Variants in GLI2 observed in about 807,000 individuals in gnomAD.
GLI2 encodes the protein transcription activator GLI2.
A neutral mutation model predicts 78.9 loss-of-function variants in GLI2; 22 were observed. The ratio of observed to expected loss-of-function variants is 0.28; its 90% CI spans 0.20 to 0.40. The LOEUF (loss-of-function observed/expected upper bound fraction) is 0.40. Among genes scored for constraint, GLI2 ranks in the 10% least tolerant of loss-of-function variants. GLI2 has a pLI of 1.00. For synonymous variants in GLI2, 974 were observed against 963.7 expected (o/e 1.01, Z -0.20); for missense variants, 2,097 against 2,213.2 (o/e 0.95, Z 1.05).
chr2:120,786,222 T>C (rs1683993455), intron 1 of GLI2, among the ~76,000 whole-genome samples: 1 of 152,192 alleles, frequency 6.6e-6, no homozygotes, highest in Admixed American at 6.5e-5. Flanking sequence ...GGGAGGCTCC[T>C]CTCCCTGTAG....
At chr2:120,972,625 C>T in intron 8 of GLI2, 1 of 518,786 alleles carries the variant, frequency 1.9e-6, no homozygotes, top group South Asian at 1.4e-5. Context: ...AGAGGTGGCG[C>T]TATGGGAGAA....
intron 6 of GLI2, among the ~76,000 whole-genome samples, chr2:120,969,703 G>A (rs1373303851): frequency 6.6e-6 from 1 of 152,248 alleles, no homozygotes; most frequent in East Asian, 1.9e-4. Flanking sequence ...GCTTGACTGG[G>A]CCAGAATGCC....
At chr2:120,809,592 G>A (rs538048086) in intron 2 of GLI2, among the ~76,000 whole-genome samples, 4 of 152,154 alleles carry the variant, frequency 2.6e-5, no homozygotes, top group South Asian at 2.1e-4. Flanking sequence ...GAGGAAGGAA[G>A]TGCGGGGGAG....
intron 1 of GLI2, among the ~76,000 whole-genome samples, chr2:120,775,557 A>G (rs1333821359): frequency 1.3e-5 from 2 of 152,128 alleles, no homozygotes; most frequent in East Asian, 1.9e-4. Context: ...TTGCTCCCCC[A>G]TGCACCTCTC....
chr2:120,863,554 T>C (rs1687995364), intron 2 of GLI2, among the ~76,000 whole-genome samples: 2 of 152,286 alleles, frequency 1.3e-5, no homozygotes, highest in African/African-American at 4.8e-5. Context: ...ACTAGTATTG[T>C]ATTTTTTAAA....
At chr2:120,823,427 G>A (rs779133359) in intron 2 of GLI2, among the ~76,000 whole-genome samples, 14 of 152,174 alleles carry the variant, frequency 9.2e-5, no homozygotes, top group Admixed American at 2.0e-4. Flanking sequence ...GGGCAGGTGT[G>A]GAGGAGGCAG....
rs77230901 is a variant in GLI2, at chr2:120,909,185, C to T, written c.149-18176C>T. 1.7e-3 allele frequency among the ~76,000 whole-genome samples: 261 copies of T among 152,268 alleles called. 2 individuals are homozygous for T. Among genetic ancestry groups the T allele is most frequent in the Middle Eastern group, 0.01 (3 of 294 alleles). Reference sequence around the variant, plus strand: ...TTTTGGCTGACGTGGGGAGGGCTTGCTCCTGCCCAAAGTGCTCTTCCTGGT... The same window carrying T: ...TTTTGGCTGACGTGGGGAGGGCTTGTTCCTGCCCAAAGTGCTCTTCCTGGT... On this transcript the variant is annotated intron_variant, in intron 2 of 13. Coordinates refer to ENST00000361492, the MANE Select transcript of GLI2 (RefSeq NM_001374353.1).
In GLI2 at chr2:120,887,767, A is replaced by G. The variant is rs543314719; in HGVS notation, c.149-39594A>G. On this transcript the variant is annotated intron_variant, in intron 2 of 13. Transcript: ENST00000361492. ...GGGTCGGGGGTCTCCTCCTTGGGAA[A>G]CAGTGGAGTGACTGCTCAGCACACT... Among the ~76,000 whole-genome samples the G allele has an allele frequency of 9.8e-5, 15 of 152,300 alleles. 2 individuals are homozygous for G. The South Asian group carries it at 3.1e-3, about 32-fold the overall frequency.
At chr2:120,752,584 AT>A (rs1682911689) in intron 1 of GLI2, among the ~76,000 whole-genome samples, 1 of 152,034 alleles carries the variant, frequency 6.6e-6, no homozygotes, top group South Asian at 2.1e-4. Flanking sequence ...TTTAATTTTT[AT>A]TTATACTTAT....
chr2:120,882,219 C>G (rs1677187333), intron 2 of GLI2, among the ~76,000 whole-genome samples: 2 of 152,058 alleles, frequency 1.3e-5, no homozygotes, highest in Non-Finnish European at 2.9e-5. Context: ...CATCCTCCTT[C>G]CAGGAGGCCA....
At chr2:120,875,683 G>A (rs1688702296) in intron 2 of GLI2, among the ~76,000 whole-genome samples, 1 of 152,100 alleles carries the variant, frequency 6.6e-6, no homozygotes, top group Admixed American at 6.5e-5. Context: ...TAAATTCTGG[G>A]CGGTCAGGCA....
At chr2:120,865,104 T>C (rs1017141005) in intron 2 of GLI2, among the ~76,000 whole-genome samples, 1 of 152,084 alleles carries the variant, frequency 6.6e-6, no homozygotes, top group Non-Finnish European at 1.5e-5. Context: ...ATCACTTCCA[T>C]CTATGGGTAG....
intron 2 of GLI2, among the ~76,000 whole-genome samples, chr2:120,876,062 C>T (rs951628463): frequency 6.6e-5 from 10 of 152,314 alleles, no homozygotes; most frequent in Admixed American, 2.6e-4. Flanking sequence ...TAAATGCAGG[C>T]CGGGTGCGGT....
chr2:120,799,842 G>A (rs891536342), intron 2 of GLI2, among the ~76,000 whole-genome samples: 2 of 152,230 alleles, frequency 1.3e-5, no homozygotes, highest in African/African-American at 2.4e-5. Flanking sequence ...GCCTGCGGGA[G>A]TACAGACCTG....
At chr2:120,933,872 C>CCCTGCCCTGA (rs1680067984) in intron 3 of GLI2, among the ~76,000 whole-genome samples, 1 of 143,190 alleles carries the variant, frequency 7.0e-6, no homozygotes, top group Non-Finnish European at 1.5e-5. Context: ...CCCTGCCCTG[C>CCCTGCCCTGA]CCTGCCCTGC....
chr2:120,868,353 T>C (rs2104665462), intron 2 of GLI2, among the ~76,000 whole-genome samples: 1 of 152,344 alleles, frequency 6.6e-6, no homozygotes, highest in Middle Eastern at 3.4e-3. Flanking sequence ...AACAGGAATG[T>C]TCTGGAGGCT....
intron 2 of GLI2, among the ~76,000 whole-genome samples, chr2:120,829,028 C>A (rs1473527765): frequency 1.3e-5 from 2 of 152,162 alleles, no homozygotes; most frequent in Non-Finnish European, 2.9e-5. Context: ...CATGCTGTCA[C>A]TCATACTCAC....
intron 2 of GLI2, among the ~76,000 whole-genome samples, chr2:120,914,877 G>A (rs2104825951): frequency 6.6e-6 from 1 of 152,378 alleles, no homozygotes; most frequent in African/African-American, 2.4e-5. Context: ...AGACTTGGCT[G>A]TGGCACTGGC....
chr2:120,972,901 T>C (rs1171606867), intron 8 of GLI2, among the ~76,000 whole-genome samples: 1 of 152,104 alleles, frequency 6.6e-6, no homozygotes, highest in African/African-American at 2.4e-5. Flanking sequence ...GCCCCCACTC[T>C]GGGAGCAGGG....
Sources: allele counts gnomAD v4.1 joint callset (sites outside exome capture counted in the v4.1 genomes callset), GRCh38; gene constraint gnomAD v4.1.1; transcripts MANE v1.5; gene names NCBI Gene and HGNC (gene_info 2026-07-23, HGNC 2026-07-21).